Variants in AGBL4 observed in about 807,000 individuals in gnomAD.
AGBL4 encodes the protein cytosolic carboxypeptidase 6.
Under a neutral mutation model 66.4 loss-of-function variants are expected in AGBL4, and 58 were observed. That is an observed-to-expected ratio of 0.87 (90% CI 0.71 to 1.09). AGBL4 has a LOEUF of 1.09. Among genes scored for constraint, AGBL4 ranks in the 50% least tolerant of loss-of-function variants. The probability of loss-of-function intolerance (pLI) is 0.00; values close to 1 mark genes in which losing one functional copy is unlikely to be tolerated. For synonymous variants in AGBL4, 234 were observed against 222.9 expected (o/e 1.05, Z -0.44); for missense variants, 579 against 631.0 (o/e 0.92, Z 0.88).
intron 2 of AGBL4, among the ~76,000 whole-genome samples, chr1:49,741,732 A>C (rs1650496764): frequency 6.6e-6 from 1 of 152,216 alleles, no homozygotes; most frequent in Admixed American, 6.5e-5. Context: ...CCTGGGATGC[A>C]AGGCTGATTC....
intron 6 of AGBL4, among the ~76,000 whole-genome samples, chr1:48,780,473 C>T (rs1645266766): frequency 6.6e-6 from 1 of 152,078 alleles, no homozygotes; most frequent in South Asian, 2.1e-4. Flanking sequence ...GTAGCCAACA[C>T]AATCCTAAGC....
chr1:48,701,950 A>G (rs1557889079), intron 6 of AGBL4, among the ~76,000 whole-genome samples: 1 of 152,238 alleles, frequency 6.6e-6, no homozygotes, highest in Non-Finnish European at 1.5e-5. Flanking sequence ...GTAGCTGACT[A>G]GTAATATTTA....
At chr1:48,630,067 A>G (rs1024223055) in intron 9 of AGBL4, among the ~76,000 whole-genome samples, 3 of 152,196 alleles carry the variant, frequency 2.0e-5, no homozygotes, top group Admixed American at 6.5e-5. Flanking sequence ...ACAATCAATC[A>G]TAACTGGCAA....
At chr1:48,756,845 A>C (rs1470333460) in intron 6 of AGBL4, among the ~76,000 whole-genome samples, 1 of 152,168 alleles carries the variant, frequency 6.6e-6, no homozygotes, top group Non-Finnish European at 1.5e-5. Context: ...TTGGGGCTCC[A>C]GTTGATTTAT....
intron 3 of AGBL4, among the ~76,000 whole-genome samples, chr1:49,465,626 G>A (rs1178745977): frequency 6.6e-6 from 1 of 151,802 alleles, no homozygotes; most frequent in Non-Finnish European, 1.5e-5. Context: ...AAGACAAAAG[G>A]AATTCAGCAG....
At chr1:49,588,743 A>G (rs1644698078) in intron 3 of AGBL4, among the ~76,000 whole-genome samples, 1 of 152,190 alleles carries the variant, frequency 6.6e-6, no homozygotes. Flanking sequence ...GTACTGAAGA[A>G]TTCATAATGG....
intron 11 of AGBL4, among the ~76,000 whole-genome samples, chr1:48,551,668 C>T (rs1644250627): frequency 6.6e-6 from 1 of 152,056 alleles, no homozygotes; most frequent in African/African-American, 2.4e-5. Context: ...GTTTTCTGGA[C>T]GTTTGGTATA....
At chr1:49,134,296 A>T (rs1428690473) in intron 4 of AGBL4, among the ~76,000 whole-genome samples, 1 of 152,086 alleles carries the variant, frequency 6.6e-6, no homozygotes, top group Admixed American at 6.6e-5. Context: ...CTGTGCACAC[A>T]TTGTCATTGA....
At chr1:48,569,759 G>A (rs1644530114) in intron 11 of AGBL4, among the ~76,000 whole-genome samples, 1 of 152,124 alleles carries the variant, frequency 6.6e-6, no homozygotes, top group Non-Finnish European at 1.5e-5. Flanking sequence ...ATGTGACCTT[G>A]GACAAATCCC....
intron 2 of AGBL4, among the ~76,000 whole-genome samples, chr1:49,735,938 A>G (rs1649853916): frequency 6.6e-6 from 1 of 152,134 alleles, no homozygotes; most frequent in Non-Finnish European, 1.5e-5. Context: ...CAAGCCAGGC[A>G]AAAGAAAGCC....
intron 1 of AGBL4, among the ~76,000 whole-genome samples, chr1:49,935,048 G>A (rs1468459759): frequency 6.6e-6 from 1 of 152,244 alleles, no homozygotes; most frequent in African/African-American, 2.4e-5. Context: ...CACTCGGGAA[G>A]TGCAAGGGGT....
At position 49,858,014 on chromosome 1, in the gene AGBL4, A is replaced by C. The variant is rs1646476204; in HGVS notation, c.35-6496T>G. Among the ~76,000 whole-genome samples, 3 of 152,134 alleles carry C rather than the reference A, an allele frequency of 2.0e-5. No individual in the cohort carries two copies. The South Asian group carries it at 6.2e-4, about 32-fold the overall frequency. On this transcript the variant is annotated intron_variant, in intron 1 of 13. Transcript: ENST00000371839. ...ATACAAAGAACTCAAAAAACTCAACAACAACAAAAAAATAAAATATCCTCA... is the reference window on the plus strand; with the variant it reads ...ATACAAAGAACTCAAAAAACTCAACCACAACAAAAAAATAAAATATCCTCA...
At chr1:49,093,187 A>G (rs1000614030) in intron 4 of AGBL4, among the ~76,000 whole-genome samples, 2 of 152,144 alleles carry the variant, frequency 1.3e-5, no homozygotes, top group African/African-American at 4.8e-5. Flanking sequence ...CAAATGGGAC[A>G]GATGTCAGTC....
intron 2 of AGBL4, among the ~76,000 whole-genome samples, chr1:49,819,769 G>C (rs988270647): frequency 6.6e-6 from 1 of 152,086 alleles, no homozygotes; most frequent in African/African-American, 2.4e-5. Context: ...GGTTTGCGTG[G>C]CAATAAAAAA....
chr1:48,982,688 A>G (rs1322618997), intron 5 of AGBL4, among the ~76,000 whole-genome samples: 2 of 152,120 alleles, frequency 1.3e-5, no homozygotes, highest in African/African-American at 4.8e-5. Flanking sequence ...TTATAGCAGC[A>G]CCATTTATAA....
At chr1:48,731,711 A>G (rs146803241) in intron 6 of AGBL4, among the ~76,000 whole-genome samples, 1 of 152,380 alleles carries the variant, frequency 6.6e-6, no homozygotes, top group East Asian at 1.9e-4. Context: ...AGGCTTGTTC[A>G]CGAAATACAG....
At chr1:49,088,147 G>A (rs560101511) in intron 4 of AGBL4, among the ~76,000 whole-genome samples, 1 of 152,170 alleles carries the variant, frequency 6.6e-6, no homozygotes, top group Admixed American at 6.5e-5. Flanking sequence ...AGTATATAGA[G>A]TATTGACACT....
intron 5 of AGBL4, among the ~76,000 whole-genome samples, chr1:49,006,523 C>T (rs1322934078): frequency 6.6e-6 from 1 of 152,204 alleles, no homozygotes; most frequent in African/African-American, 2.4e-5. Context: ...GTGGAGCCCA[C>T]CACAGCTCAA....
chr1:49,330,241 A>C (rs1645306261), intron 3 of AGBL4, among the ~76,000 whole-genome samples: 1 of 152,156 alleles, frequency 6.6e-6, no homozygotes, highest in Non-Finnish European at 1.5e-5. Flanking sequence ...AAATGGTGAA[A>C]CCCTGTCCCT....
Sources: allele counts gnomAD v4.1 joint callset (sites outside exome capture counted in the v4.1 genomes callset), GRCh38; gene constraint gnomAD v4.1.1; transcripts MANE v1.5; gene names NCBI Gene and HGNC (gene_info 2026-07-23, HGNC 2026-07-21).